Variants in SLC1A6 observed in about 807,000 individuals in gnomAD.
SLC1A6 encodes the protein solute carrier family 1 member 6.
In SLC1A6, 15 loss-of-function variants were observed where a neutral mutation model predicts 42.1. The observed-to-expected ratio is 0.36, with a 90% CI of 0.24 to 0.55. The LOEUF is 0.55. Among genes scored for constraint, SLC1A6 ranks in the 20% least tolerant of loss-of-function variants. The pLI is 0.88. For missense variants in SLC1A6, 542 were observed against 772.5 expected (o/e 0.70, Z 3.54); for synonymous variants, 317 against 319.7 (o/e 0.99, Z 0.09).
upstream of SLC1A6, among the ~76,000 whole-genome samples, chr19:14,980,653 T>TAAAAAAAAA (rs2045761361): frequency 1.6e-5 from 1 of 61,280 alleles, no homozygotes; most frequent in Admixed American, 1.6e-4. Context: ...CGAGACTCCG[T>TAAAAAAAAA]CAAAAAAAAA....
At chr19:14,964,258 C>T (rs2045548886) in intron 5 of SLC1A6, 61 bp downstream of exon 5, 1 of 1,437,328 alleles carries the variant, frequency 7.0e-7, no homozygotes, top group Non-Finnish European at 9.8e-7. Context: ...ACCATCCCTT[C>T]AGCCCCAAGC....
intron 3 of SLC1A6, among the ~76,000 whole-genome samples, chr19:14,970,567 C>T (rs1043827655): frequency 4.0e-5 from 6 of 151,822 alleles, no homozygotes; most frequent in South Asian, 4.2e-4. Flanking sequence ...AAAAATTAGC[C>T]GGGCATGGTG....
At chr19:14,985,040 C>G (rs1053364978) in intron 1 of SLC1A6, among the ~76,000 whole-genome samples, 1 of 152,140 alleles carries the variant, frequency 6.6e-6, no homozygotes, top group Non-Finnish European at 1.5e-5. Flanking sequence ...TGCCACCATG[C>G]CTGGCTAATT....
intron 1 of SLC1A6, among the ~76,000 whole-genome samples, chr19:15,005,382 A>G: frequency 6.6e-6 from 1 of 152,012 alleles, no homozygotes; most frequent in East Asian, 1.9e-4. Flanking sequence ...GGTGGTGGGC[A>G]TCTGTAATCC....
Position 14,992,235 on chromosome 19 carries a change from G to A in SLC1A6, c.6+18250C>T, listed in dbSNP as rs185642178. 2.8e-3 allele frequency among the ~76,000 whole-genome samples: 427 copies of A among 152,296 alleles called. 2 individuals are homozygous for A. The highest frequency in any genetic ancestry group is 9.2e-3 in the African/African-American group (381 of 41,560). On this transcript the variant is annotated intron_variant, in intron 1 of 8. Transcript: ENST00000430939. Reference sequence around the variant, plus strand: ...TGGATTGTTTGCATTAATTTCATGAGTTGTTTTTAATTATTGACATTGGAG... The same window carrying A: ...TGGATTGTTTGCATTAATTTCATGAATTGTTTTTAATTATTGACATTGGAG...
intron 1 of SLC1A6, among the ~76,000 whole-genome samples, chr19:14,975,870 GAAA>G (rs2045702692): frequency 2.0e-5 from 1 of 50,870 alleles, no homozygotes; most frequent in Non-Finnish European, 3.9e-5. Context: ...GGAAGGGAAG[GAAA>G]GGGAAGGGAA....
At chr19:14,981,993 G>A (rs982328662), upstream of SLC1A6, among the ~76,000 whole-genome samples, 4 of 151,990 alleles carry the variant, frequency 2.6e-5, no homozygotes, top group African/African-American at 9.7e-5. Flanking sequence ...AAGAGGTTGA[G>A]TTTGCAGTGA....
At position 14,962,212 on chromosome 19, in the gene SLC1A6, C is replaced by T. The variant is rs776166060; in HGVS notation, c.725G>A (p.Arg242Gln). 22 of 1,614,016 alleles carry T rather than the reference C, an allele frequency of 1.4e-5. No individual in the cohort carries two copies. The highest frequency in any genetic ancestry group is 2.7e-5 in the African/African-American group (2 of 74,910). The change falls in exon 6 of 10, where the codon CGG (arginine) becomes CAG (glutamine). Residue 242 changes from arginine (R) to glutamine (Q), a missense_variant. Arg to Gln is a conservative substitution (Grantham distance 43). Transcript: ENST00000594383. ...CATCTCCTGCAGGGTACCCAAGGCC[C>T]GAGTGACATTTTCCAGGAAGCTGGT... ...NGTSFLENVT[R>Q]ALGTLQEMLS...
chr19:15,008,235 T>C (rs8182533), intron 1 of SLC1A6, among the ~76,000 whole-genome samples: 59,617 of 151,410 alleles, frequency 0.39, 12,747 homozygotes, highest in East Asian at 0.55. Flanking sequence ...GTCCTCGCTT[T>C]TTGGGAGACT....
chr19:14,992,798 C>T (rs891056716), intron 1 of SLC1A6, among the ~76,000 whole-genome samples: 2 of 152,156 alleles, frequency 1.3e-5, no homozygotes, highest in Admixed American at 1.3e-4. Context: ...GACGGAGCAC[C>T]CCGGGCTGTC....
upstream of SLC1A6, among the ~76,000 whole-genome samples, chr19:14,982,446 T>C (rs2045772853): frequency 6.6e-6 from 1 of 152,084 alleles, no homozygotes; most frequent in African/African-American, 2.4e-5. Flanking sequence ...AGAGAATTAC[T>C]TGAACCCCGG....
At position 15,008,298 on chromosome 19, in the gene SLC1A6, TC is replaced by T. The variant is rs560157542; in HGVS notation, c.6+2186del. 2.9e-3 allele frequency among the ~76,000 whole-genome samples: 444 copies of T among 151,408 alleles called. 2 individuals carry two copies. The highest frequency in any genetic ancestry group is 4.9e-3 in the Non-Finnish European group (335 of 67,886). On this transcript the variant is annotated intron_variant, in intron 1 of 8. Transcript: ENST00000430939. ...AGTTGGAGGCTGCAGTGAACCATGA[TC>T]CCCCCACTGCACTCCAGCCTGGGCC...
intron 1 of SLC1A6, among the ~76,000 whole-genome samples, chr19:15,010,182 T>TG (rs1414609275): frequency 2.0e-4 from 7 of 34,292 alleles, no homozygotes; most frequent in Non-Finnish European, 4.2e-4. Flanking sequence ...CAAGACTCTA[T>TG]GAAAAAAAAA....
intron 1 of SLC1A6, among the ~76,000 whole-genome samples, chr19:15,008,444 C>T (rs1345531160): frequency 6.6e-6 from 1 of 151,954 alleles, no homozygotes; most frequent in African/African-American, 2.4e-5. Flanking sequence ...AAAGGGAAAG[C>T]TTATACACTG....
intron 4 of SLC1A6, among the ~76,000 whole-genome samples, chr19:14,966,669 T>C (rs2045577057): frequency 6.6e-6 from 1 of 152,094 alleles, no homozygotes; most frequent in Non-Finnish European, 1.5e-5. Context: ...ATATGGCACA[T>C]ATATGCCATG....
At chr19:14,983,575 C>A (rs1259831059), upstream of SLC1A6, among the ~76,000 whole-genome samples, 1 of 151,916 alleles carries the variant, frequency 6.6e-6, no homozygotes, top group East Asian at 1.9e-4. Flanking sequence ...GTGGTCCCAG[C>A]TACTCAGGAG....
intron 1 of SLC1A6, among the ~76,000 whole-genome samples, chr19:15,008,620 C>T (rs2045907901): frequency 6.6e-6 from 1 of 152,070 alleles, no homozygotes; most frequent in Admixed American, 6.6e-5. Context: ...ATGTTTATGG[C>T]AGCACTATTC....
chr19:14,968,573 G>A (rs45591838), intron 3 of SLC1A6, 66 bp from the exon 4 acceptor site: 32,612 of 1,360,144 alleles, frequency 0.024, 506 homozygotes, highest in Non-Finnish European at 0.029. Context: ...CCTAGCATCC[G>A]TTCCACCCTC....
At chr19:14,954,412 G>T (rs1213556737) in intron 7 of SLC1A6, 83 bp from the exon 8 acceptor site, 3 of 1,291,050 alleles carry the variant, frequency 2.3e-6, no homozygotes, top group Non-Finnish European at 2.2e-6. Flanking sequence ...TAGTGGGGCA[G>T]GGCAGAGAAT....
Sources: gnomAD v4.1 joint callset for allele counts (sites outside exome capture counted in the v4.1 genomes callset) on GRCh38, gnomAD v4.1.1 for gene constraint, MANE v1.5 for transcripts, NCBI Gene and HGNC (gene_info 2026-07-23, HGNC 2026-07-21) for gene names.